Variants in WASL observed in about 807,000 individuals in gnomAD.
WASL encodes actin nucleation-promoting factor WASL.
WASL carries 20 observed loss-of-function variants against 55.5 expected under a neutral mutation model. The observed-to-expected ratio is 0.36, with a 90% CI of 0.25 to 0.52. The LOEUF (loss-of-function observed/expected upper bound fraction) is 0.52, where lower values mean the gene tolerates loss of function less well. WASL is among the 20% of genes least tolerant of loss of function. The pLI is 0.92. For missense variants in WASL, 504 were observed against 622.5 expected, an observed-to-expected ratio of 0.81 and a Z score of 2.03; for synonymous variants, 249 against 217.6, an observed-to-expected ratio of 1.14 and a Z score of -1.27.
At chr7:123,741,207 A>AT (rs1491154968) in intron 1 of WASL, among the ~76,000 whole-genome samples, 2 of 152,114 alleles carry the variant, frequency 1.3e-5, no homozygotes, top group Non-Finnish European at 2.9e-5. Context: ...TGGGTAAATA[A>AT]TTATCTTGTT....
chr7:123,705,353 T>C (rs911774768), intron 4 of WASL, among the ~76,000 whole-genome samples: 1 of 152,000 alleles, frequency 6.6e-6, no homozygotes, highest in Non-Finnish European at 1.5e-5. Context: ...CAGATCTGAG[T>C]GGGGCTAAGG....
intron 4 of WASL, 28 bp downstream of exon 4, chr7:123,706,249 C>A: frequency 6.2e-7 from 1 of 1,602,162 alleles, no homozygotes; most frequent in Non-Finnish European, 8.5e-7. Context: ...GTTTGCTGGC[C>A]TGATTTAAGT....
Position 123,684,463 on chromosome 7 carries a change from G to GA in WASL, c.*55dup. 1 of 523,240 alleles carries GA rather than the reference G, an allele frequency of 1.9e-6. No individual in the cohort carries two copies. The highest frequency in any genetic ancestry group is 3.3e-5 in the East Asian group (1 of 29,968). The allele number at this position is 523,240 out of a possible 1,614,324, so 32.4% of individuals were successfully genotyped here. A position where few individuals can be genotyped will look rare whatever the true frequency, so the allele number is the denominator to read the frequency against. ...GATAATTTTACAGAATCCACAGACA[G>GA]AAAGTAGTGTTTAGTATTTCACCTT... is the stretch of plus-strand genomic sequence containing the variant. On this transcript the variant is annotated 3_prime_UTR_variant, in exon 11 of 11. Coordinates refer to ENST00000223023, the MANE Select transcript of WASL (RefSeq NM_003941.4).
At chr7:123,693,820 G>C (rs1337036006) in intron 8 of WASL, among the ~76,000 whole-genome samples, 1 of 152,126 alleles carries the variant, frequency 6.6e-6, no homozygotes, top group Non-Finnish European at 1.5e-5. Flanking sequence ...ATAAAAATTA[G>C]CAGGGTGTAG....
chr7:123,731,424 T>C (rs910002908), intron 1 of WASL, among the ~76,000 whole-genome samples: 6 of 152,086 alleles, frequency 3.9e-5, no homozygotes, highest in Non-Finnish European at 5.9e-5. Flanking sequence ...TCAGGAAGGA[T>C]AGAACTGAAC....
intron 1 of WASL, among the ~76,000 whole-genome samples, chr7:123,741,834 T>C (rs1804347182): frequency 1.3e-5 from 2 of 152,152 alleles, no homozygotes; most frequent in African/African-American, 4.8e-5. Context: ...GCAAAACAAA[T>C]AGAACCCGGC....
At chr7:123,739,798 A>C (rs567748398) in intron 1 of WASL, among the ~76,000 whole-genome samples, 1 of 151,972 alleles carries the variant, frequency 6.6e-6, no homozygotes, top group East Asian at 1.9e-4. Context: ...TAGGCTATTT[A>C]AGGTTTTTCA....
chr7:123,694,781 C>T lies in WASL; in HGVS notation c.760G>A (p.Val254Ile). 6.2e-7 allele frequency: 1 copy of T among 1,613,072 alleles called. No individual in the cohort carries two copies. The highest frequency in any genetic ancestry group is 8.5e-7 in the Non-Finnish European group (1 of 1,179,542). ...AQLKDRETSK[V>I]IYDFIEKTGG... Reference sequence around the variant, plus strand: ...GTTTTTTCAATAAAGTCATATATAACTTTTGATGTTTCTCTGTCTTTAAGT... The same window carrying T: ...GTTTTTTCAATAAAGTCATATATAATTTTTGATGTTTCTCTGTCTTTAAGT... The change falls in exon 8 of 11, where the codon GTT becomes ATT. Residue 254 changes from valine (V) to isoleucine (I), a missense_variant. This residue lies in a region of WASL where 17 missense variants were observed against 58.4 expected (regional missense o/e 0.29). Transcript: ENST00000223023.
At chr7:123,719,099 TTGATCA>T (rs1168975111) in intron 1 of WASL, among the ~76,000 whole-genome samples, 4 of 152,234 alleles carry the variant, frequency 2.6e-5, no homozygotes, top group Non-Finnish European at 4.4e-5. Context: ...AAAATTTATT[TTGATCA>T]TTCCTCATCT....
At chr7:123,744,300 TAAC>T (rs1310695536) in intron 1 of WASL, among the ~76,000 whole-genome samples, 11 of 152,168 alleles carry the variant, frequency 7.2e-5, no homozygotes, top group Admixed American at 4.6e-4. Flanking sequence ...CTGAAGGGCT[TAAC>T]AACCTAATCA....
chr7:123,736,552 T>C (rs187366184), intron 1 of WASL, among the ~76,000 whole-genome samples: 20 of 152,246 alleles, frequency 1.3e-4, no homozygotes, highest in African/African-American at 4.6e-4. Context: ...CACTGGGTGA[T>C]AGGGATTTTT....
chr7:123,702,604 G>A (rs766890477), intron 5 of WASL, among the ~76,000 whole-genome samples: 1 of 152,098 alleles, frequency 6.6e-6, no homozygotes, highest in Non-Finnish European at 1.5e-5. Context: ...AACATGTACA[G>A]AACATTCTTG....
intron 7 of WASL, among the ~76,000 whole-genome samples, chr7:123,695,414 A>G (rs1803475320): frequency 6.6e-6 from 1 of 152,170 alleles, no homozygotes; most frequent in Admixed American, 6.5e-5. Flanking sequence ...CAGTGCTATA[A>G]AACAACGGCA....
chr7:123,706,503 A>G (rs1268703815), intron 3 of WASL, 130 bp from the exon 4 acceptor site: 3 of 911,156 alleles, frequency 3.3e-6, no homozygotes, highest in African/African-American at 3.4e-5. Context: ...ATAAGACATT[A>G]TTTTATGATC....
intron 1 of WASL, among the ~76,000 whole-genome samples, chr7:123,739,065 T>TAC (rs1804286418): frequency 6.6e-6 from 1 of 152,256 alleles, no homozygotes; most frequent in South Asian, 2.1e-4. Flanking sequence ...AATAAGAAAT[T>TAC]TAGTAAACAA....
chr7:123,738,664 C>A (rs1217824181), intron 1 of WASL, among the ~76,000 whole-genome samples: 2 of 152,124 alleles, frequency 1.3e-5, no homozygotes, highest in Non-Finnish European at 2.9e-5. Flanking sequence ...TCTAGGAATA[C>A]AACAGGTAGT....
chr7:123,741,074 A>G (rs1359855591), intron 1 of WASL, among the ~76,000 whole-genome samples: 2 of 152,128 alleles, frequency 1.3e-5, no homozygotes, highest in African/African-American at 2.4e-5. Flanking sequence ...TGTGCGAGTG[A>G]GTTGTGGGTG....
chr7:123,730,284 G>A (rs765337056), intron 1 of WASL, among the ~76,000 whole-genome samples: 3 of 152,034 alleles, frequency 2.0e-5, no homozygotes, highest in African/African-American at 7.2e-5. Context: ...GTTAGAGAAC[G>A]AATAAATGGT....
chr7:123,732,261 C>T (rs1431372594), intron 1 of WASL, among the ~76,000 whole-genome samples: 1 of 152,064 alleles, frequency 6.6e-6, no homozygotes, highest in African/African-American at 2.4e-5. Context: ...ACCCGGGAGG[C>T]GGAGCTTGCA....
Sources: allele counts gnomAD v4.1 joint callset (sites outside exome capture counted in the v4.1 genomes callset), GRCh38; gene constraint gnomAD v4.1.1; regional missense constraint gnomAD v4.1.1; transcripts MANE v1.5; gene names NCBI Gene and HGNC (gene_info 2026-07-23, HGNC 2026-07-21).